SETD9: variants seen among roughly 807,000 people sequenced by gnomAD.
The protein encoded by SETD9 is SET domain containing 9.
A neutral mutation model predicts 36.4 loss-of-function variants in SETD9; 37 were observed. The observed-to-expected ratio is 1.02, with a 90% CI of 0.78 to 1.34. SETD9 has a LOEUF of 1.34. SETD9 is among the 40% of genes most tolerant of loss of function. SETD9 has a pLI of 0.00. For synonymous variants in SETD9, 128 were observed against 132.9 expected (o/e 0.96, Z 0.26); for missense variants, 323 against 353.2 (o/e 0.91, Z 0.69).
At chr5:56,909,833 G>A (rs957215949) in intron 1 of SETD9, 90 bp downstream of exon 1, 1 of 1,192,510 alleles carries the variant, frequency 8.4e-7, no homozygotes, top group Non-Finnish European at 1.2e-6. Context: ...AGAGCCTGAG[G>A]CTGACTGCCG....
downstream of SETD9, among the ~76,000 whole-genome samples, chr5:56,926,782 C>T (rs903668052): frequency 2.0e-5 from 3 of 152,082 alleles, no homozygotes; most frequent in Non-Finnish European, 2.9e-5. Flanking sequence ...ATATTTATAG[C>T]TTTAATGATA....
At chr5:56,911,566 C>T (rs1749130890) in intron 2 of SETD9, 30 bp downstream of exon 2, 13 of 1,492,466 alleles carry the variant, frequency 8.7e-6, no homozygotes, top group Non-Finnish European at 1.2e-5. Context: ...TATACTTTGC[C>T]AAGCTTCTTA....
intron 1 of SETD9, chr5:56,910,966 G>A (rs1287726028): frequency 2.2e-6 from 1 of 446,166 alleles, no homozygotes; most frequent in Non-Finnish European, 3.9e-6. Flanking sequence ...CCTTTCATAA[G>A]TACTGACTAC....
chr5:56,909,849 A>T, intron 1 of SETD9, 106 bp downstream of exon 1: 1 of 581,052 alleles, frequency 1.7e-6, no homozygotes, highest in African/African-American at 2.9e-5. Flanking sequence ...TGCCGGCCTG[A>T]GATGGGCGGG....
Position 56,917,149 on chromosome 5 carries a change from AG to A in SETD9, c.*248del. ...ATTGGTTTTCACCTAAATACACAAT[AG>A]CTTATTAAATTAAAACCTACTCTTT... On this transcript the variant is annotated 3_prime_UTR_variant, in exon 6 of 6. Transcript: ENST00000285947. 4.3e-6 allele frequency: 5 copies of A among 1,164,982 alleles called. No homozygotes were observed. The highest frequency in any genetic ancestry group is 5.3e-6 in the Non-Finnish European group (5 of 945,366). The allele number at this position is 1,164,982 out of a possible 1,614,324, so 72.2% of individuals were successfully genotyped here.
At chr5:56,913,840 C>A (rs1749283336) in intron 3 of SETD9, 34 bp from the exon 4 acceptor site, 2 of 1,268,060 alleles carry the variant, frequency 1.6e-6, no homozygotes, top group South Asian at 1.2e-5. Context: ...TTTTAAGATA[C>A]AGATCCATTA....
Position 56,913,106 on chromosome 5 carries a change from G to C in SETD9, c.562G>C (p.Asp188His). ...GGATGGGGTACTCATTGATGGGAAT[G>C]ACAAAGGGATATCAAAAGTTGTGTA... is the stretch of plus-strand genomic sequence containing the variant. The part of the protein sequence containing the change: ...CLDGVLIDGN[D>H]KGISKVVYRS... Residue 188 changes from aspartate to histidine, a missense_variant, in exon 3 of 6, where the codon GAC (aspartate) becomes CAC (histidine). Transcript: ENST00000285947. 1 of 1,614,108 alleles carries C rather than the reference G, an allele frequency of 6.2e-7. No homozygotes were observed. The highest frequency in any genetic ancestry group is 8.5e-7 in the Non-Finnish European group (1 of 1,180,008).
At chr5:56,911,925 C>T (rs1749151146) in intron 2 of SETD9, among the ~76,000 whole-genome samples, 1 of 152,064 alleles carries the variant, frequency 6.6e-6, no homozygotes, top group Non-Finnish European at 1.5e-5. Context: ...CTTTGGGAGG[C>T]CGAGGCGGGC....
At chr5:56,923,408 G>C (rs1749777297) in intron 5 of SETD9, 1 of 1,614,072 alleles carries the variant, frequency 6.2e-7, no homozygotes, top group South Asian at 1.1e-5. Flanking sequence ...ATAAAATCCA[G>C]TCTCAAATAA....
downstream of SETD9, among the ~76,000 whole-genome samples, chr5:56,918,359 G>C (rs548501799): frequency 1.1e-4 from 16 of 152,080 alleles, no homozygotes; most frequent in Non-Finnish European, 1.8e-4. Context: ...GAGGAGCGTT[G>C]CCTCATCACC....
intron 2 of SETD9, among the ~76,000 whole-genome samples, chr5:56,912,729 A>G (rs1345861148): frequency 1.3e-5 from 2 of 152,242 alleles, no homozygotes; most frequent in Non-Finnish European, 1.5e-5. Flanking sequence ...GTGTGTGTGT[A>G]TATATATACA....
At position 56,910,108 on chromosome 5, in the gene SETD9, C is replaced by A. The variant is rs1168461465; in HGVS notation, c.98+365C>A. 5 of 1,242,846 alleles carry A rather than the reference C, an allele frequency of 4.0e-6. No homozygotes were observed. The African/African-American group carries it at 7.8e-5, about 19-fold the overall frequency. The allele number at this position is 1,242,846 out of a possible 1,614,324, so 77.0% of individuals were successfully genotyped here. On this transcript the variant is annotated intron_variant, in intron 1 of 5. Transcript: ENST00000285947. ...ATGTGTCGCCTGTTCTTCCCTGTTG[C>A]GTTCGGCACTGACTGGGGAGCTTGT...
Position 56,909,740 on chromosome 5 carries a change from C to G in SETD9, c.95C>G (p.Pro32Arg), listed in dbSNP as rs753427732. The G allele has an allele frequency of 2.5e-6, 4 of 1,609,994 alleles. No homozygotes were observed. Among genetic ancestry groups the G allele is most frequent in the Middle Eastern group, 1.7e-4 (1 of 6,042 alleles). ...PWIALNLSHNPRTLRYVPEES... is the reference protein window; with the variant it reads ...PWIALNLSHNRRTLRYVPEES... Reference sequence around the variant, plus strand: ...ATCGCACTGAACCTAAGCCACAACCCGAGGTGAGAGGGCGGGACGGCAGAA... The same window carrying G: ...ATCGCACTGAACCTAAGCCACAACCGGAGGTGAGAGGGCGGGACGGCAGAA... Residue 32 changes from proline to arginine, a missense_variant, in exon 1 of 6, where the codon CCG becomes CGG. By Grantham distance (103) the Pro-to-Arg change is moderately radical. Coordinates refer to ENST00000285947, the MANE Select transcript of SETD9 (RefSeq NM_153706.4).
rs1748984048 is a variant in SETD9, at chr5:56,909,621, C to A, written c.-25C>A. ...CTCGATCCGCCTTCCCCGCGCCGTC[C>A]TGGTCACGGCCCCGCGGGGCAGCCA... On this transcript the variant is annotated 5_prime_UTR_variant, in exon 1 of 6. The change creates a new upstream start codon in the 5' untranslated region. Transcript: ENST00000285947. 1 of 1,584,484 alleles carries A rather than the reference C, an allele frequency of 6.3e-7. No individual in the cohort carries two copies. The highest frequency in any genetic ancestry group is 8.6e-7 in the Non-Finnish European group (1 of 1,165,876).
At chr5:56,914,704 C>T (rs147209736) in intron 4 of SETD9, among the ~76,000 whole-genome samples, 157 bp from the exon 5 acceptor site, 70 of 151,862 alleles carry the variant, frequency 4.6e-4, no homozygotes, top group African/African-American at 1.0e-3. Flanking sequence ...AATATATATA[C>T]GTAAATAAAC....
At chr5:56,927,263 A>C (rs1033119084), downstream of SETD9, among the ~76,000 whole-genome samples, 1 of 152,172 alleles carries the variant, frequency 6.6e-6, no homozygotes, top group Non-Finnish European at 1.5e-5. Context: ...ATAATAATGT[A>C]TCAATATTGG....
rs754099837 is a variant in SETD9 at position 56,923,274 on chromosome 5, C to T, written c.813-2059C>T. The T allele has an allele frequency of 3.7e-6, 6 of 1,614,144 alleles. No homozygotes were observed. In the South Asian group the frequency reaches 5.5e-5, roughly 15 times the overall value. On this transcript the variant is annotated intron_variant, in intron 5 of 5. Coordinates refer to the SETD9 transcript ENST00000628593. Reference sequence around the variant, plus strand: ...TGATGTGTGTGATTTTCAAAGTCCACACCCAGGTTATTTACAGAAACTTCA... The same window carrying T: ...TGATGTGTGTGATTTTCAAAGTCCATACCCAGGTTATTTACAGAAACTTCA...
intron 1 of SETD9, 97 bp from the exon 2 acceptor site, chr5:56,911,072 C>T: frequency 7.3e-7 from 1 of 1,378,960 alleles, no homozygotes; most frequent in Non-Finnish European, 9.7e-7. Flanking sequence ...TGAGAATAAG[C>T]TTATAGTTCC....
chr5:56,917,826 C>T (rs1033378948), downstream of SETD9, among the ~76,000 whole-genome samples: 1 of 152,198 alleles, frequency 6.6e-6, no homozygotes, highest in Non-Finnish European at 1.5e-5. Flanking sequence ...GCAATAGTTA[C>T]TTTGACCTCC....
Sources: allele counts gnomAD v4.1 joint callset (sites outside exome capture counted in the v4.1 genomes callset), GRCh38; gene constraint gnomAD v4.1.1; transcripts MANE v1.5; gene names NCBI Gene and HGNC (gene_info 2026-07-23, HGNC 2026-07-21).